TSPAN11: variants seen among roughly 807,000 people sequenced by gnomAD.
TSPAN11 encodes the protein tetraspanin-11.
A neutral mutation model predicts 32.9 loss-of-function variants in TSPAN11; 29 were observed. The ratio of observed to expected loss-of-function variants is 0.88; its 90% confidence interval spans 0.66 to 1.20. The LOEUF (loss-of-function observed/expected upper bound fraction) is 1.20. Ranked by LOEUF, TSPAN11 falls within the 50% of genes most tolerant of loss-of-function variation. The pLI, the probability that TSPAN11 is intolerant of heterozygous loss-of-function variation, is 0.00. For missense variants in TSPAN11, 283 were observed against 329.1 expected, an observed-to-expected ratio of 0.86 and a Z score of 1.08; for synonymous variants, 140 against 141.3, an observed-to-expected ratio of 0.99 and a Z score of 0.07.
intron 6 of TSPAN11, among the ~76,000 whole-genome samples, 173 bp from the exon 7 acceptor site, chr12:30,982,891 C>T (rs1347619713): frequency 6.6e-6 from 1 of 152,234 alleles, no homozygotes; most frequent in African/African-American, 2.4e-5. Flanking sequence ...GAGTATAGGA[C>T]ACCATGGCAT....
chr12:30,943,653 A>T (rs1159396402), intron 1 of TSPAN11, among the ~76,000 whole-genome samples: 1 of 152,142 alleles, frequency 6.6e-6, no homozygotes, highest in Admixed American at 6.5e-5. Flanking sequence ...CCCAAGCTCC[A>T]CCAAGCTTGC....
intron 2 of TSPAN11, 52 bp downstream of exon 2, chr12:30,954,127 G>A (rs776440964): frequency 1.4e-6 from 2 of 1,415,544 alleles, no homozygotes; most frequent in Admixed American, 3.4e-5. Flanking sequence ...AATGAGTCAA[G>A]CCACCTTTTG....
At chr12:30,978,746 C>A in intron 4 of TSPAN11, 111 bp downstream of exon 4, 2 of 1,109,714 alleles carry the variant, frequency 1.8e-6, no homozygotes, top group South Asian at 1.4e-5. Flanking sequence ...AAGGGCGGTC[C>A]TGTTTCCCAG....
chr12:31,006,588 T>A, the TSPAN11 span, among the ~76,000 whole-genome samples: 2 of 152,204 alleles, frequency 1.3e-5, no homozygotes, highest in South Asian at 4.1e-4. Context: ...CCTAGGATGA[T>A]CCTGTCTGGG....
At chr12:30,959,546 G>A (rs982394884) in intron 2 of TSPAN11, among the ~76,000 whole-genome samples, 1 of 152,052 alleles carries the variant, frequency 6.6e-6, no homozygotes, top group African/African-American at 2.4e-5. Context: ...AATAGTGCCT[G>A]AGTTACTAGG....
intron 3 of TSPAN11, among the ~76,000 whole-genome samples, chr12:30,968,009 A>G (rs1269208533): frequency 6.6e-6 from 1 of 152,158 alleles, no homozygotes; most frequent in Non-Finnish European, 1.5e-5. Context: ...TTTAAAACCC[A>G]GGCTCCCATT....
chr12:30,962,641 C>T (rs73090193), intron 2 of TSPAN11, among the ~76,000 whole-genome samples: 13,253 of 152,252 alleles, frequency 0.087, 662 homozygotes, highest in Non-Finnish European at 0.12. Context: ...ATGGGGAGCT[C>T]CTTTCAGTGA....
chr12:31,011,815 G>A, the TSPAN11 span, among the ~76,000 whole-genome samples: 14 of 152,354 alleles, frequency 9.2e-5, no homozygotes, highest in East Asian at 1.9e-3. Context: ...GGTGTATGGC[G>A]GCAAAGGCTT....
Position 30,978,954 on chromosome 12 carries a change from A to C in TSPAN11, c.351+319A>C, listed in dbSNP as rs927823497. 32 of 365,500 alleles carry C rather than the reference A, an allele frequency of 8.8e-5. No individual in the cohort carries two copies. In the East Asian group the frequency reaches 1.4e-3, roughly 17 times the overall value. 22.6% of individuals were successfully genotyped at this position (365,500 alleles called of 1,614,324 possible). A position where few individuals can be genotyped will look rare whatever the true frequency, so the allele number is the denominator to read the frequency against. On this transcript the variant is annotated intron_variant, in intron 4 of 7. Transcript: ENST00000546076. Reference sequence around the variant, plus strand: ...CATCTGTCAGAGACATCCAAGAAGAAAGGCCTGGGCCAGGGTCACATGCCA... The same window carrying C: ...CATCTGTCAGAGACATCCAAGAAGACAGGCCTGGGCCAGGGTCACATGCCA...
chr12:30,954,635 G>A, intron 2 of TSPAN11: 1 of 154,446 alleles, frequency 6.5e-6, no homozygotes, highest in Non-Finnish European at 1.4e-5. Flanking sequence ...GGGTAATTGG[G>A]AGCAGAATAC....
chr12:30,932,826 G>C (rs1414827885), intron 1 of TSPAN11, among the ~76,000 whole-genome samples: 1 of 152,194 alleles, frequency 6.6e-6, no homozygotes, highest in Non-Finnish European at 1.5e-5. Flanking sequence ...GGACTATTTT[G>C]AAAGCAAATG....
the TSPAN11 span, among the ~76,000 whole-genome samples, chr12:31,005,477 A>G: frequency 6.6e-6 from 1 of 152,300 alleles, no homozygotes; most frequent in South Asian, 2.1e-4. Context: ...ACAGACACCC[A>G]TCGGTGGTGG....
intron 1 of TSPAN11, among the ~76,000 whole-genome samples, chr12:30,933,817 G>A (rs1040367485): frequency 6.6e-6 from 1 of 152,164 alleles, no homozygotes; most frequent in Non-Finnish European, 1.5e-5. Context: ...CAAGCCTGAT[G>A]GTGAGCTCTT....
intron 2 of TSPAN11, among the ~76,000 whole-genome samples, chr12:30,961,006 T>G (rs1336344947): frequency 2.1e-5 from 3 of 144,970 alleles, no homozygotes; most frequent in Non-Finnish European, 4.5e-5. Context: ...ACCACTGTAC[T>G]CCAGACTAGG....
intron 1 of TSPAN11, among the ~76,000 whole-genome samples, chr12:30,935,573 G>T (rs1360308807): frequency 6.6e-6 from 1 of 151,928 alleles, no homozygotes; most frequent in African/African-American, 2.4e-5. Flanking sequence ...TAGTAGAGAC[G>T]GGGTTTCACC....
At chr12:30,984,552 C>CTTTTTTTTTTTTTT (rs55772956) in intron 7 of TSPAN11, among the ~76,000 whole-genome samples, 1 of 68,574 alleles carries the variant, frequency 1.5e-5, no homozygotes, top group African/African-American at 5.7e-5. Context: ...TCGCTTTTTG[C>CTTTTTTTTTTTTTT]TTTTTTTTTT....
intron 5 of TSPAN11, among the ~76,000 whole-genome samples, chr12:30,980,063 C>T (rs896028899): frequency 3.9e-5 from 6 of 152,180 alleles, no homozygotes; most frequent in Middle Eastern, 3.2e-3. Flanking sequence ...CCTCCTTCCC[C>T]GGGGAGCTGG....
intron 3 of TSPAN11, among the ~76,000 whole-genome samples, chr12:30,966,303 G>A (rs1938731921): frequency 6.6e-6 from 1 of 152,196 alleles, no homozygotes; most frequent in African/African-American, 2.4e-5. Flanking sequence ...TCAGGGGAGG[G>A]TAGCAAGGGG....
intron 1 of TSPAN11, among the ~76,000 whole-genome samples, chr12:30,948,091 G>A: frequency 6.6e-6 from 1 of 152,176 alleles, no homozygotes; most frequent in East Asian, 1.9e-4. Flanking sequence ...GATCTCCTTT[G>A]ACTCCAGCTC....
Sources: allele counts gnomAD v4.1 joint callset (sites outside exome capture counted in the v4.1 genomes callset), GRCh38; gene constraint gnomAD v4.1.1; transcripts MANE v1.5; gene names NCBI Gene and HGNC (gene_info 2026-07-23, HGNC 2026-07-21).